Variants in ABLIM1 observed in about 807,000 individuals in gnomAD.
ABLIM1 encodes the protein actin binding LIM protein 1, also known as actin-binding LIM protein 1.
A neutral mutation model predicts 107.0 loss-of-function variants in ABLIM1; 40 were observed. That is an observed-to-expected ratio of 0.37 (90% CI 0.29 to 0.49). The LOEUF is 0.49. Among genes scored for constraint, ABLIM1 ranks in the 20% least tolerant of loss-of-function variants. The pLI is 0.97. For missense variants in ABLIM1, 857 were observed against 1,008.5 expected (o/e 0.85, Z 2.04); for synonymous variants, 357 against 357.3 (o/e 1.00, Z 0.01).
chr10:114,742,801 C>G (rs539884455), intron 1 of ABLIM1, among the ~76,000 whole-genome samples: 1 of 152,024 alleles, frequency 6.6e-6, no homozygotes, highest in Non-Finnish European at 1.5e-5. Context: ...TGGTGGCACA[C>G]GCCTATAGTC....
At chr10:114,622,261 T>A (rs1336450364) in intron 1 of ABLIM1, among the ~76,000 whole-genome samples, 8 of 151,312 alleles carry the variant, frequency 5.3e-5, no homozygotes, top group Non-Finnish European at 1.2e-4. Context: ...TTTTTTTTTT[T>A]TTTGAGACAG....
chr10:114,463,334 G>A (rs1430919343), intron 12 of ABLIM1, among the ~76,000 whole-genome samples: 2 of 152,194 alleles, frequency 1.3e-5, no homozygotes, highest in African/African-American at 4.8e-5. Context: ...CACCTGCTAA[G>A]GCTGAGGCAA....
At chr10:114,468,422 C>CTAT (rs201070970) in intron 10 of ABLIM1, among the ~76,000 whole-genome samples, 141,961 of 151,948 alleles carry the variant, frequency 0.93, 66,341 homozygotes, top group East Asian at 0.99. Flanking sequence ...CTACAGGCGC[C>CTAT]GCCACCACCC....
intron 4 of ABLIM1, among the ~76,000 whole-genome samples, chr10:114,568,391 TA>T (rs1026205571): frequency 2.6e-5 from 4 of 152,098 alleles, no homozygotes; most frequent in East Asian, 1.9e-4. Context: ...CTGGAATTTT[TA>T]AAAAAACATT....
chr10:114,748,790 G>A (rs749802824), intron 1 of ABLIM1, among the ~76,000 whole-genome samples: 1 of 151,656 alleles, frequency 6.6e-6, no homozygotes, highest in Admixed American at 6.6e-5. Context: ...CTTAGTAGCT[G>A]GGACTACAGA....
chr10:114,555,485 T>C (rs187288970), intron 4 of ABLIM1, among the ~76,000 whole-genome samples: 31 of 152,306 alleles, frequency 2.0e-4, no homozygotes, highest in African/African-American at 7.2e-4. Context: ...TCTCCGATCA[T>C]GGGTTTGTTT....
chr10:114,734,617 G>A (rs1167221715), intron 1 of ABLIM1, among the ~76,000 whole-genome samples: 1 of 151,990 alleles, frequency 6.6e-6, no homozygotes, highest in Non-Finnish European at 1.5e-5. Flanking sequence ...AACTCCTTGG[G>A]AGAGGAAGAC....
At chr10:114,441,131 T>A (rs2060136807) in intron 18 of ABLIM1, 54 bp from the exon 19 acceptor site, 1 of 1,513,212 alleles carries the variant, frequency 6.6e-7, no homozygotes, top group East Asian at 2.4e-5. Flanking sequence ...CGTTTTGGAG[T>A]CAGGTGAAAA....
intron 2 of ABLIM1, among the ~76,000 whole-genome samples, chr10:114,585,260 C>CT: frequency 6.6e-6 from 1 of 152,072 alleles, no homozygotes; most frequent in East Asian, 1.9e-4. Flanking sequence ...ATTCCTTTCC[C>CT]TTTTTTAGTC....
chr10:114,634,129 C>CTTTTTTTTTTTTTTTT lies in ABLIM1; in HGVS notation c.244+23812_244+23827dup, dbSNP rs745875295. 6.7e-3 allele frequency among the ~76,000 whole-genome samples: 460 copies of CTTTTTTTTTTTTTTTT among 68,268 alleles called. 87 individuals are homozygous for CTTTTTTTTTTTTTTTT. The highest frequency in any genetic ancestry group is 8.4e-3 in the Non-Finnish European group (331 of 39,474). 44.8% of individuals were successfully genotyped at this position (68,268 alleles called of 152,430 possible). ...CGTAAATGCCATTAGCTCAATTTTT[C>CTTTTTTTTTTTTTTTT]TTTTTTTTTTTTTTTTTTTTTGAGA... On this transcript the variant is annotated intron_variant, in intron 1 of 22. Coordinates refer to ENST00000533213, the MANE Select transcript of ABLIM1 (RefSeq NM_002313.7).
rs202209198 is a variant in ABLIM1, at chr10:114,634,134, T to C, written c.244+23823A>G. Among the ~76,000 whole-genome samples, 68 of 91,064 alleles carry C rather than the reference T, an allele frequency of 7.5e-4. 5 individuals carry two copies. The East Asian group carries it at 0.022, about 29-fold the overall frequency. 59.7% of individuals were successfully genotyped at this position (91,064 alleles called of 152,430 possible). Reference sequence around the variant, plus strand: ...ATGCCATTAGCTCAATTTTTCTTTTTTTTTTTTTTTTTTTTTGAGACGGAG... The same window carrying C: ...ATGCCATTAGCTCAATTTTTCTTTTCTTTTTTTTTTTTTTTTGAGACGGAG... On this transcript the variant is annotated intron_variant, in intron 1 of 22. Coordinates refer to ENST00000533213, the MANE Select transcript of ABLIM1 (RefSeq NM_002313.7).
chr10:114,454,970 T>C (rs1008359199), intron 12 of ABLIM1, among the ~76,000 whole-genome samples: 29 of 152,182 alleles, frequency 1.9e-4, no homozygotes, highest in African/African-American at 7.0e-4. Flanking sequence ...TTTGATAAAG[T>C]CCAATTTATT....
At chr10:114,779,046 GCTGT>G in the ABLIM1 span, 10 of 152,228 alleles carry the variant, frequency 6.6e-5, no homozygotes, top group African/African-American at 2.4e-4. Flanking sequence ...CATCTTCAGG[GCTGT>G]TTGACATTGA....
At chr10:114,660,865 A>T (rs1416650980), upstream of ABLIM1, among the ~76,000 whole-genome samples, 2 of 152,200 alleles carry the variant, frequency 1.3e-5, no homozygotes, top group East Asian at 3.8e-4. Context: ...ATTTCCTTCA[A>T]ACCCAGCATC....
chr10:114,455,873 C>T (rs1036519199), intron 12 of ABLIM1, among the ~76,000 whole-genome samples: 4 of 148,676 alleles, frequency 2.7e-5, no homozygotes, highest in African/African-American at 9.9e-5. Flanking sequence ...AGTGCAGTGG[C>T]GCGATCTTGG....
At chr10:114,647,656 T>C (rs529742828) in intron 1 of ABLIM1, among the ~76,000 whole-genome samples, 1 of 152,354 alleles carries the variant, frequency 6.6e-6, no homozygotes, top group Non-Finnish European at 1.5e-5. Flanking sequence ...TCCTACTCTA[T>C]GGCATGAGAA....
chr10:114,590,987 A>T (rs1566032465), intron 2 of ABLIM1, among the ~76,000 whole-genome samples: 1 of 152,224 alleles, frequency 6.6e-6, no homozygotes, highest in Non-Finnish European at 1.5e-5. Context: ...AATGAAAGAA[A>T]ATCATGGCCA....
upstream of ABLIM1, among the ~76,000 whole-genome samples, chr10:114,661,554 T>C (rs2079796931): frequency 6.6e-6 from 1 of 152,242 alleles, no homozygotes; most frequent in African/African-American, 2.4e-5. Context: ...GGTCTTTCAC[T>C]GCTGCCTTCT....
intron 3 of ABLIM1, among the ~76,000 whole-genome samples, chr10:114,572,198 G>T (rs747116029): frequency 2.6e-5 from 4 of 152,180 alleles, no homozygotes; most frequent in Non-Finnish European, 5.9e-5. Flanking sequence ...CTTGGCCTAT[G>T]TACCAATAAT....
Sources: gnomAD v4.1 joint callset for allele counts (sites outside exome capture counted in the v4.1 genomes callset) on GRCh38, gnomAD v4.1.1 for gene constraint, MANE v1.5 for transcripts, NCBI Gene and HGNC (gene_info 2026-07-23, HGNC 2026-07-21) for gene names.